Variants in MARCHF11 observed in about 807,000 individuals in gnomAD.
The protein encoded by MARCHF11 is membrane associated ring-CH-type finger 11.
MARCHF11 carries 29 observed loss-of-function variants against 37.3 expected under a neutral mutation model. The observed-to-expected ratio is 0.78, with a 90% CI of 0.58 to 1.06. MARCHF11 has a LOEUF of 1.06. MARCHF11 is among the 50% of genes least tolerant of loss of function. MARCHF11 has a pLI of 0.00. For synonymous variants in MARCHF11, 233 were observed against 228.0 expected, an observed-to-expected ratio of 1.02 and a Z score of -0.20; for missense variants, 482 against 533.4, an observed-to-expected ratio of 0.90 and a Z score of 0.95.
At chr5:16,088,631 T>C (rs182522833) in intron 3 of MARCHF11, among the ~76,000 whole-genome samples, 3 of 152,336 alleles carry the variant, frequency 2.0e-5, no homozygotes, top group African/African-American at 4.8e-5. Flanking sequence ...TTGCTTTCTT[T>C]ACTATAATAG....
At chr5:16,077,346 C>T (rs934141073) in intron 3 of MARCHF11, among the ~76,000 whole-genome samples, 1 of 151,476 alleles carries the variant, frequency 6.6e-6, no homozygotes, top group African/African-American at 2.4e-5. Context: ...AAACTGTCTA[C>T]TGCAAACTCA....
chr5:16,167,388 A>G (rs980056291), intron 2 of MARCHF11, among the ~76,000 whole-genome samples: 1 of 152,130 alleles, frequency 6.6e-6, no homozygotes, highest in African/African-American at 2.4e-5. Flanking sequence ...AGAAAGATCC[A>G]GTGTTTCAGC....
intron 2 of MARCHF11, among the ~76,000 whole-genome samples, chr5:16,170,122 G>T (rs1738234586): frequency 1.3e-5 from 2 of 152,078 alleles, no homozygotes; most frequent in African/African-American, 4.8e-5. Flanking sequence ...CTAGTTTTCA[G>T]CCAGGTGGCA....
chr5:16,079,910 C>CT (rs1736578966), intron 3 of MARCHF11, among the ~76,000 whole-genome samples: 1 of 152,098 alleles, frequency 6.6e-6, no homozygotes, highest in African/African-American at 2.4e-5. Flanking sequence ...GTGCTGGGCT[C>CT]TCGTCTCTTC....
chr5:16,094,837 A>C (rs1477989988), intron 2 of MARCHF11, among the ~76,000 whole-genome samples: 1 of 152,130 alleles, frequency 6.6e-6, no homozygotes, highest in Non-Finnish European at 1.5e-5. Context: ...TATAGCTTCT[A>C]TTTGTACAGG....
In MARCHF11 at chr5:16,164,236, C is replaced by A. The variant is rs1738135249; in HGVS notation, c.693+13490G>T. ...TAACACTTAATAAACATATTTGCAC[C>A]TAACAACCAAGTCCCAAAATATGTG... On this transcript the variant is annotated intron_variant, in intron 2 of 3. Transcript: ENST00000332432. Among the ~76,000 whole-genome samples the A allele has an allele frequency of 2.6e-5, 4 of 151,938 alleles. No individual in the cohort carries two copies. In the South Asian group the frequency reaches 8.3e-4, roughly 32 times the overall value.
chr5:16,108,355 CCT>C (rs1261798217), intron 2 of MARCHF11, among the ~76,000 whole-genome samples: 4 of 152,238 alleles, frequency 2.6e-5, no homozygotes, highest in African/African-American at 9.6e-5. Context: ...GAGCCACACC[CCT>C]GTCGCATGTC....
At chr5:16,148,960 G>C (rs1398944903) in intron 2 of MARCHF11, among the ~76,000 whole-genome samples, 1 of 152,124 alleles carries the variant, frequency 6.6e-6, no homozygotes, top group Admixed American at 6.6e-5. Context: ...TGATATTATA[G>C]TAGATGGCTT....
intron 3 of MARCHF11, among the ~76,000 whole-genome samples, chr5:16,088,382 TAG>T (rs1736734948): frequency 6.6e-6 from 1 of 152,170 alleles, no homozygotes; most frequent in Non-Finnish European, 1.5e-5. Flanking sequence ...GTTCAACACA[TAG>T]AAAGTTCCTA....
chr5:16,135,879 TTAAAAAAAA>T (rs1262780013), intron 2 of MARCHF11, among the ~76,000 whole-genome samples: 22 of 112,650 alleles, frequency 2.0e-4, no homozygotes, highest in African/African-American at 7.2e-4. Context: ...TGAAAGAGAT[TTAAAAAAAA>T]AAAAAAAAAA....
intron 2 of MARCHF11, among the ~76,000 whole-genome samples, chr5:16,166,241 ATGTG>A (rs1738166566): frequency 2.0e-5 from 3 of 151,986 alleles, no homozygotes; most frequent in Admixed American, 6.6e-5. Flanking sequence ...CTCATATTGC[ATGTG>A]ACTATTTTTT....
chr5:16,160,277 A>T (rs1370657801), intron 2 of MARCHF11, among the ~76,000 whole-genome samples: 3 of 145,248 alleles, frequency 2.1e-5, no homozygotes, highest in East Asian at 3.9e-4. Context: ...TATTTATATT[A>T]AATATTTAAT....
At chr5:16,113,054 G>A (rs1038084323) in intron 2 of MARCHF11, among the ~76,000 whole-genome samples, 1 of 152,118 alleles carries the variant, frequency 6.6e-6, no homozygotes. Context: ...TAACCAGAAA[G>A]CATGAATTTT....
chr5:16,072,636 T>C (rs1408750094), intron 3 of MARCHF11, among the ~76,000 whole-genome samples: 1 of 151,988 alleles, frequency 6.6e-6, no homozygotes, highest in Non-Finnish European at 1.5e-5. Flanking sequence ...ACACCAGATA[T>C]GCTGCTGGCC....
In MARCHF11 at chr5:16,161,373, C is replaced by T. The variant is rs181126796; in HGVS notation, c.693+16353G>A. On this transcript the variant is annotated intron_variant, in intron 2 of 3. Coordinates refer to ENST00000332432, the MANE Select transcript of MARCHF11 (RefSeq NM_001102562.3). ...ATCTTATTCCTCATGAAATGACCATCGCTTTTCTCCTGAATAAAGGATTCT... is the reference window on the plus strand; with the variant it reads ...ATCTTATTCCTCATGAAATGACCATTGCTTTTCTCCTGAATAAAGGATTCT... Among the ~76,000 whole-genome samples the T allele has an allele frequency of 4.2e-3, 638 of 151,902 alleles. 11 individuals carry two copies. The highest frequency in any genetic ancestry group is 1.7e-3 in the Non-Finnish European group (113 of 67,914).
rs1029782377 is a variant in MARCHF11, at chr5:16,067,398, T to G, written c.*73A>C. On this transcript the variant is annotated 3_prime_UTR_variant, in exon 4 of 4. Transcript: ENST00000332432. ...CATAGATGTGTTTTTAGAAGTGCTA[T>G]GGTTTTGCCATTCACTGCAATTACA... The G allele has an allele frequency of 3.4e-5, 47 of 1,369,708 alleles. No individual in the cohort carries two copies. The African/African-American group carries it at 6.2e-4, about 18-fold the overall frequency. The allele number at this position is 1,369,708 out of a possible 1,614,324, so 84.8% of individuals were successfully genotyped here.
rs1164066084 is a variant in MARCHF11, at chr5:16,179,182, G to A, written c.394C>T (p.Arg132Trp). 3.7e-6 allele frequency: 5 copies of A among 1,354,514 alleles called. No individual in the cohort carries two copies. The highest frequency in any genetic ancestry group is 2.7e-4 in the Middle Eastern group (1 of 3,692). 83.9% of individuals were successfully genotyped at this position (1,354,514 alleles called of 1,614,324 possible). The stretch of plus-strand genomic sequence containing the variant: ...TCGGGCTGGTCTCCGGCGCCCCGCC[G>A]CTCGCGCTCGCCGCCCGCGCCGGCC... ...SEAGAGGERE[R>W]RGAGDQPETR... The change falls in exon 1 of 4, where the codon CGG (arginine) becomes TGG (tryptophan). Residue 132 changes from arginine to tryptophan, a missense_variant. By Grantham distance (101) the Arg-to-Trp change is moderately radical (BLOSUM62 -3). Transcript: ENST00000332432.
intron 2 of MARCHF11, among the ~76,000 whole-genome samples, chr5:16,125,217 G>T (rs1043526550): frequency 6.6e-6 from 1 of 151,266 alleles, no homozygotes; most frequent in African/African-American, 2.4e-5. Flanking sequence ...ACACATGAGG[G>T]TGACACTGCT....
intron 2 of MARCHF11, among the ~76,000 whole-genome samples, chr5:16,094,825 A>G (rs1736839828): frequency 6.6e-6 from 1 of 152,098 alleles, no homozygotes; most frequent in Non-Finnish European, 1.5e-5. Flanking sequence ...TAATTTAATA[A>G]TTATAGCTTC....
Sources: gnomAD v4.1 joint callset for allele counts (sites outside exome capture counted in the v4.1 genomes callset) on GRCh38, gnomAD v4.1.1 for gene constraint, MANE v1.5 for transcripts, NCBI Gene and HGNC (gene_info 2026-07-23, HGNC 2026-07-21) for gene names.